CYLC2: variants seen among roughly 807,000 people sequenced by gnomAD.
CYLC2 encodes the protein cylicin 2, also known as cylicin-2.
CYLC2 carries 30 observed loss-of-function variants against 26.1 expected under a neutral mutation model. The observed-to-expected ratio is 1.15, with a 90% CI of 0.86 to 1.56. The LOEUF is 1.56. Among genes scored for constraint, CYLC2 ranks in the 40% most tolerant of loss-of-function variants. The probability of loss-of-function intolerance (pLI) is 0.00; values close to 1 mark genes in which losing one functional copy is unlikely to be tolerated. For missense variants in CYLC2, 498 were observed against 394.4 expected, an observed-to-expected ratio of 1.26 and a Z score of -2.23; for synonymous variants, 158 against 132.8, an observed-to-expected ratio of 1.19 and a Z score of -1.31.
At chr9:103,006,899 C>CT (rs1161079616) in intron 5 of CYLC2, among the ~76,000 whole-genome samples, 1 of 151,992 alleles carries the variant, frequency 6.6e-6, no homozygotes, top group Non-Finnish European at 1.5e-5. Flanking sequence ...AAAATCAATG[C>CT]TAAGAGAATG....
intron 1 of CYLC2, among the ~76,000 whole-genome samples, chr9:103,000,246 T>C (rs1829275627): frequency 6.6e-6 from 1 of 151,956 alleles, no homozygotes; most frequent in South Asian, 2.1e-4. Flanking sequence ...TATTTATATA[T>C]TGTCTAGATA....
chr9:103,013,742 A>G (rs1564100737), intron 6 of CYLC2, among the ~76,000 whole-genome samples: 1 of 111,126 alleles, frequency 9.0e-6, no homozygotes, highest in South Asian at 2.8e-4. Context: ...ATATAATTAT[A>G]TATTATATTA....
At chr9:103,012,926 T>C (rs1264395519) in intron 6 of CYLC2, among the ~76,000 whole-genome samples, 1 of 150,894 alleles carries the variant, frequency 6.6e-6, no homozygotes, top group Non-Finnish European at 1.5e-5. Context: ...ATGGTGTAGT[T>C]TGGCATTCGG....
chr9:103,014,476 ATATG>A (rs943569823), intron 6 of CYLC2, among the ~76,000 whole-genome samples: 51 of 138,058 alleles, frequency 3.7e-4, no homozygotes, highest in African/African-American at 1.2e-3. Context: ...AATATACATA[ATATG>A]TATATTATGC....
At chr9:103,000,911 C>A (rs116688272) in intron 1 of CYLC2, among the ~76,000 whole-genome samples, 1 of 152,028 alleles carries the variant, frequency 6.6e-6, no homozygotes, top group Admixed American at 6.6e-5. Flanking sequence ...TTCGTGGGAA[C>A]AAACATGTTA....
intron 1 of CYLC2, among the ~76,000 whole-genome samples, chr9:102,995,695 T>C (rs547073611): frequency 1.6e-4 from 25 of 151,936 alleles, no homozygotes; most frequent in Non-Finnish European, 3.7e-4. Context: ...TAATATAAAA[T>C]AAAATAATTC....
intron 6 of CYLC2, among the ~76,000 whole-genome samples, chr9:103,013,961 T>C (rs1257370821): frequency 4.4e-5 from 5 of 114,938 alleles, no homozygotes; most frequent in Non-Finnish European, 8.0e-5. Context: ...ATATATTATA[T>C]ATTATTATAT....
intron 5 of CYLC2, among the ~76,000 whole-genome samples, chr9:103,010,264 G>C (rs1477680667): frequency 6.6e-6 from 1 of 151,998 alleles, no homozygotes; most frequent in African/African-American, 2.4e-5. Flanking sequence ...TGTAAAAGCA[G>C]TGGCAAAATA....
chr9:103,015,242 C>A (rs1281135025), intron 6 of CYLC2, among the ~76,000 whole-genome samples: 7 of 118,106 alleles, frequency 5.9e-5, no homozygotes, highest in Admixed American at 4.0e-4. Context: ...TATATATAAT[C>A]TGATATATAA....
chr9:103,015,121 AT>A lies in CYLC2; in HGVS notation c.*817-1766del, dbSNP rs1315397110. Among the ~76,000 whole-genome samples, 190 of 21,778 alleles carry A rather than the reference AT, an allele frequency of 8.7e-3. 8 individuals are homozygous for A. The highest frequency in any genetic ancestry group is 0.029 in the African/African-American group (184 of 6,418). The allele number at this position is 21,778 out of a possible 152,430, so 14.3% of individuals were successfully genotyped here. ...ATCACGTGATATACATAACATGTAT[AT>A]CACGTGATATACATAACATGTATAT... On this transcript the variant is annotated intron_variant, in intron 6 of 7. Transcript: ENST00000374798.
intron 2 of CYLC2, 60 bp from the exon 3 acceptor site, chr9:103,003,082 T>C (rs1829304172): frequency 6.3e-7 from 1 of 1,595,386 alleles, no homozygotes; most frequent in East Asian, 2.2e-5. Context: ...CGTAATGCCA[T>C]TTCAGCTCTG....
intron 3 of CYLC2, among the ~76,000 whole-genome samples, chr9:103,004,009 C>A (rs989632108): frequency 6.6e-6 from 1 of 152,004 alleles, no homozygotes. Context: ...GAACAAAGTT[C>A]TTTTTTTCTT....
chr9:103,015,611 T>C (rs2118278305), intron 6 of CYLC2, among the ~76,000 whole-genome samples: 1 of 146,658 alleles, frequency 6.8e-6, no homozygotes, highest in Non-Finnish European at 1.5e-5. Context: ...TAAATCACCT[T>C]TAAAGTATGT....
At chr9:103,007,592 T>C (rs991982469) in intron 5 of CYLC2, among the ~76,000 whole-genome samples, 1 of 152,162 alleles carries the variant, frequency 6.6e-6, no homozygotes, top group African/African-American at 2.4e-5. Context: ...ATAAGTCCTG[T>C]TGATTTGAGG....
chr9:103,010,119 A>G (rs1432097305), intron 5 of CYLC2, among the ~76,000 whole-genome samples: 2 of 151,962 alleles, frequency 1.3e-5, no homozygotes, highest in East Asian at 3.9e-4. Context: ...ACTTATTTTC[A>G]TGAGAAATCA....
intron 6 of CYLC2, among the ~76,000 whole-genome samples, chr9:103,014,231 A>T (rs1212296966): frequency 8.0e-6 from 1 of 125,298 alleles, no homozygotes; most frequent in South Asian, 2.3e-4. Context: ...AATATATAAT[A>T]TATATGTATG....
At chr9:103,014,077 TTAAA>T (rs1321436101) in intron 6 of CYLC2, among the ~76,000 whole-genome samples, 1 of 119,192 alleles carries the variant, frequency 8.4e-6, no homozygotes, top group African/African-American at 3.4e-5. Context: ...ATATATAAAT[TTAAA>T]TATTTAATAT....
At chr9:103,001,117 A>G (rs1829284133) in intron 1 of CYLC2, among the ~76,000 whole-genome samples, 1 of 151,892 alleles carries the variant, frequency 6.6e-6, no homozygotes, top group Non-Finnish European at 1.5e-5. Flanking sequence ...GAGTTTTTTG[A>G]GACTATTTTG....
chr9:103,015,511 TA>T (rs949490218), intron 6 of CYLC2, among the ~76,000 whole-genome samples: 11 of 140,916 alleles, frequency 7.8e-5, no homozygotes, highest in African/African-American at 2.8e-4. Context: ...TAAATATATA[TA>T]ATACATGTTT....
Sources: gnomAD v4.1 joint callset for allele counts (sites outside exome capture counted in the v4.1 genomes callset) on GRCh38, gnomAD v4.1.1 for gene constraint, MANE v1.5 for transcripts, NCBI Gene and HGNC (gene_info 2026-07-23, HGNC 2026-07-21) for gene names.